Variants in LAMA5 observed in about 807,000 individuals in gnomAD.
The protein encoded by LAMA5 is laminin subunit alpha 5, also known as laminin subunit alpha-5.
Under a neutral mutation model 433.4 loss-of-function variants are expected in LAMA5, and 260 were observed. That is an observed-to-expected ratio of 0.60 (90% CI 0.54 to 0.66). LAMA5 has a LOEUF of 0.66. Ranked by LOEUF, LAMA5 falls within the 30% of genes least tolerant of loss-of-function variation. The probability of loss-of-function intolerance (pLI) is 0.00; values close to 1 mark genes in which losing one functional copy is unlikely to be tolerated. For missense variants in LAMA5, 5,378 were observed against 5,258.5 expected, an observed-to-expected ratio of 1.02 and a Z score of -0.70; for synonymous variants, 2,620 against 2,226.6, an observed-to-expected ratio of 1.18 and a Z score of -4.97.
rs1443274721 is a variant in LAMA5, at chr20:62,315,967, G to A, written c.7848C>T (p.Ala2616=). 6 of 1,604,520 alleles carry A rather than the reference G, an allele frequency of 3.7e-6. No individual in the cohort carries two copies. The African/African-American group carries it at 6.7e-5, about 18-fold the overall frequency. ...QLEAHIQAAQ[A]MLAMDTDETS... ...GCATACCTGTGTCCATGGCAAGCAT[G>A]GCCTGCGCCGCCTGGATGTGCGCCT... Residue 2616 remains alanine, a synonymous_variant, in exon 58 of 80, where the codon GCC becomes GCT. Coordinates refer to ENST00000252999, the MANE Select transcript of LAMA5 (RefSeq NM_005560.6).
rs1252190514 is a variant in LAMA5, at chr20:62,327,678, G to A, written c.4798-9C>T. The A allele has an allele frequency of 6.2e-7, 1 of 1,612,196 alleles. No homozygotes were observed. Among genetic ancestry groups the A allele is most frequent in the African/African-American group, 1.3e-5 (1 of 74,918 alleles). On this transcript the variant is annotated splice_polypyrimidine_tract_variant and intron_variant, in intron 36 of 79. Coordinates refer to ENST00000252999, the MANE Select transcript of LAMA5 (RefSeq NM_005560.6). ...GGGCCCTGCACGTTCTCCTAGGGAT[G>A]AGAGGACAGTGAGAGTGGTCGGCAG...
At chr20:62,357,591 C>T (rs1223931366) in intron 2 of LAMA5, among the ~76,000 whole-genome samples, 1 of 152,196 alleles carries the variant, frequency 6.6e-6, no homozygotes, top group Non-Finnish European at 1.5e-5. Flanking sequence ...CGGAAACGTG[C>T]CCCACACAGA....
In LAMA5 at chr20:62,334,197, C is replaced by T. The variant is rs767712282; in HGVS notation, c.2728G>A (p.Ala910Thr). The change falls in exon 22 of 80, where the codon GCA (alanine) becomes ACA (threonine). Residue 910 changes from alanine to threonine, a missense_variant. Coordinates refer to ENST00000252999, the MANE Select transcript of LAMA5 (RefSeq NM_005560.6). ...NFSWRGYAQMAPVQPRIVARL... is the reference protein window; with the variant it reads ...NFSWRGYAQMTPVQPRIVARL... ...AGCACAGCGCCCACCTGGACAGGTG[C>T]CATCTGCGCGTAGCCCCTCCAGCTG... 4 of 1,612,450 alleles carry T rather than the reference C, an allele frequency of 2.5e-6. No homozygotes were observed. Among genetic ancestry groups the T allele is most frequent in the South Asian group, 1.1e-5 (1 of 91,054 alleles).
At position 62,346,143 on chromosome 20, in the gene LAMA5, T is replaced by C. The variant is rs1201066129; in HGVS notation, c.1355A>G (p.Asn452Ser). ...CACGTCACACCGCTCCCCAGAGAAG[T>C]TGGGCCGGCAGTAGCATCGACCCGT... ...DLTGRCYCRP[N>S]FSGERCDVCA... is the part of the protein sequence containing the mutation. The change falls in exon 10 of 80, where the codon AAC (asparagine) becomes AGC (serine). Residue 452 changes from asparagine to serine, a missense_variant. Asn to Ser is a conservative substitution (Grantham distance 46). Coordinates refer to ENST00000252999, the MANE Select transcript of LAMA5 (RefSeq NM_005560.6). The C allele has an allele frequency of 1.9e-6, 3 of 1,613,054 alleles. No individual in the cohort carries two copies. Among genetic ancestry groups the C allele is most frequent in the South Asian group, 2.2e-5 (2 of 91,080 alleles).
In LAMA5 at chr20:62,312,822, C is replaced by T. The variant is rs371995678; in HGVS notation, c.9079-42G>A. 7.9e-5 allele frequency: 127 copies of T among 1,600,396 alleles called. No individual in the cohort carries two copies. In the African/African-American group the frequency reaches 1.2e-3, roughly 15 times the overall value. On this transcript the variant is annotated intron_variant, in intron 66 of 79. Coordinates refer to ENST00000252999, the MANE Select transcript of LAMA5 (RefSeq NM_005560.6). ...GGCTCCAGGGCCAGCTGTGTCCCTGCGGCCTGCCCCGCCCCCATCGTTCCA... is the reference window on the plus strand; with the variant it reads ...GGCTCCAGGGCCAGCTGTGTCCCTGTGGCCTGCCCCGCCCCCATCGTTCCA...
chr20:62,358,533 T>C (rs569560961), intron 2 of LAMA5, among the ~76,000 whole-genome samples: 27 of 152,274 alleles, frequency 1.8e-4, no homozygotes, highest in Non-Finnish European at 1.9e-4. Flanking sequence ...CCTGGACCAG[T>C]AGGCCTGCCC....
chr20:62,354,370 C>T (rs1984844891), intron 2 of LAMA5, among the ~76,000 whole-genome samples: 1 of 150,284 alleles, frequency 6.7e-6, no homozygotes, highest in Non-Finnish European at 1.5e-5. Flanking sequence ...CATCCCCTGA[C>T]ACCCTGCCCT....
At chr20:62,321,954 C>T in intron 48 of LAMA5, 65 bp downstream of exon 48, 1 of 1,506,046 alleles carries the variant, frequency 6.6e-7, no homozygotes. Flanking sequence ...CTGGGGTCAC[C>T]AGGCTGTGTG....
chr20:62,333,968 C>CCG lies in LAMA5; in HGVS notation c.2809_2810dup (p.Ala939GlyfsTer3). On this transcript the variant is annotated frameshift_variant, in exon 23 of 80. Transcript: ENST00000252999. LOFTEE classifies it high-confidence loss of function. ...CCCGCCCGCTCACACTCATGGCCCC[C>CCG]CGGTTGACGTATCGGAAGACGAGCC... 1 of 1,612,876 alleles carries CCG rather than the reference C, an allele frequency of 6.2e-7. No individual in the cohort carries two copies. The highest frequency in any genetic ancestry group is 8.5e-7 in the Non-Finnish European group (1 of 1,179,844).
rs1033493402 is a variant in LAMA5, at chr20:62,324,645, G to A, written c.5530-91C>T. 1.2e-6 allele frequency: 1 copy of A among 805,044 alleles called. No individual in the cohort carries two copies. The highest frequency in any genetic ancestry group is 1.7e-5 in the African/African-American group (1 of 59,158). The allele number at this position is 805,044 out of a possible 1,614,324, so 49.9% of individuals were successfully genotyped here. On this transcript the variant is annotated intron_variant, in intron 41 of 79. Coordinates refer to ENST00000252999, the MANE Select transcript of LAMA5 (RefSeq NM_005560.6). This position sits in a 1 kb window ranked among gnomAD's most constrained non-coding sequence, Gnocchi z 4.4. ...CACAAGTCAGACCCTCAGGGATCCT[G>A]CAGGCACGAGGCACTGGGAACCCGT...
At chr20:62,309,503 G>C in intron 79 of LAMA5, 28 bp from the exon 80 acceptor site, 2 of 1,546,094 alleles carry the variant, frequency 1.3e-6, no homozygotes, top group Non-Finnish European at 1.7e-6. Flanking sequence ...ATGGAAGAAG[G>C]CTGGTTGGTG....
chr20:62,332,857 T>A, intron 26 of LAMA5, 140 bp from the exon 27 acceptor site: 2 of 1,108,644 alleles, frequency 1.8e-6, no homozygotes, highest in Non-Finnish European at 2.5e-6. Flanking sequence ...TCCAGGCAAG[T>A]GGTGGGGGCT....
chr20:62,332,303 CT>C, intron 28 of LAMA5, 68 bp downstream of exon 28: 1 of 1,144,488 alleles, frequency 8.7e-7, no homozygotes, highest in East Asian at 2.4e-5. Context: ...GTCCTCTCCC[CT>C]CTCATGCATG....
At position 62,322,696 on chromosome 20, in the gene LAMA5, T is replaced by G; in HGVS notation, c.6127A>C (p.Lys2043Gln). Reference protein sequence around the residue: ...CDPHSGHCLCKAGVTGRRCDR... With the variant: ...CDPHSGHCLCQAGVTGRRCDR... ...CAGCGCCGCCCAGTCACGCCCGCCTTGCACAGGCAGTGCCCGCTGTGGGGG... is the reference window on the plus strand; with the variant it reads ...CAGCGCCGCCCAGTCACGCCCGCCTGGCACAGGCAGTGCCCGCTGTGGGGG... Residue 2043 changes from lysine (K) to glutamine (Q), a missense_variant, in exon 46 of 80, where the codon AAG becomes CAG. Coordinates refer to ENST00000252999, the MANE Select transcript of LAMA5 (RefSeq NM_005560.6). 1.3e-6 allele frequency: 2 copies of G among 1,548,600 alleles called. No homozygotes were observed. Among genetic ancestry groups the G allele is most frequent in the Non-Finnish European group, 1.7e-6 (2 of 1,148,796 alleles).
Position 62,312,328 on chromosome 20 carries a change from C to A in LAMA5, c.9361-12G>T. ...ATGGCGCGCCCCACCTGCGGGGAGG[C>A]CATCCCTGAGTGCCCGCGGGTGCCC... On this transcript the variant is annotated splice_polypyrimidine_tract_variant and intron_variant, in intron 68 of 79. Coordinates refer to ENST00000252999, the MANE Select transcript of LAMA5 (RefSeq NM_005560.6). The A allele has an allele frequency of 3.1e-6, 5 of 1,607,164 alleles. No individual in the cohort carries two copies. Among genetic ancestry groups the A allele is most frequent in the Non-Finnish European group, 4.2e-6 (5 of 1,179,078 alleles).
rs754427395 is a variant in LAMA5, at chr20:62,312,725, C to T, written c.9134G>A (p.Arg3045Gln). 6.3e-6 allele frequency: 10 copies of T among 1,596,528 alleles called. No individual in the cohort carries two copies. Among genetic ancestry groups the T allele is most frequent in the East Asian group, 4.6e-5 (2 of 43,416 alleles). Residue 3045 changes from arginine to glutamine, a missense_variant, in exon 67 of 80, where the codon CGG becomes CAG. Coordinates refer to ENST00000252999, the MANE Select transcript of LAMA5 (RefSeq NM_005560.6). The stretch of plus-strand genomic sequence containing the variant: ...CTGCTCCACGCTGTACACCGTGGCC[C>T]GCTCCACACGCACCAGCACACGCTT... ...SRKRVLVRVE[R>Q]ATVYSVEQDN...
Position 62,333,712 on chromosome 20 carries a change from C to A in LAMA5, c.2879-6G>T. The A allele has an allele frequency of 6.3e-7, 1 of 1,578,792 alleles. No individual in the cohort carries two copies. The highest frequency in any genetic ancestry group is 8.6e-7 in the Non-Finnish European group (1 of 1,163,618). On this transcript the variant is annotated splice_region_variant and splice_polypyrimidine_tract_variant and intron_variant, in intron 23 of 79. Coordinates refer to ENST00000252999, the MANE Select transcript of LAMA5 (RefSeq NM_005560.6). ...GGGCTGACTCTGTGCTGTGCCTGGG[C>A]GGGGGCAGGGGTGAGACTCCTGAGC...
In LAMA5 at chr20:62,338,270, C is replaced by T. The variant is rs375273088; in HGVS notation, c.1718G>A (p.Arg573His). 2.2e-5 allele frequency: 35 copies of T among 1,600,592 alleles called. No homozygotes were observed. Among genetic ancestry groups the T allele is most frequent in the South Asian group, 3.3e-5 (3 of 89,682 alleles). Residue 573 changes from arginine (R) to histidine (H), a missense_variant, in exon 13 of 80, where the codon CGC becomes CAC. Physicochemically the swap from Arg to His is conservative, Grantham distance 29. Transcript: ENST00000252999. ...GAAGTGAAAGTAGCCGGGGGCACAG[C>T]GATCACATGTGGCCCCCTCGAAGCC... ...RVGFEGATCD[R>H]CAPGYFHFPL...
rs762553019 is a variant in LAMA5, at chr20:62,322,719, G to A, written c.6104C>T (p.Pro2035Leu). The A allele has an allele frequency of 1.3e-6, 2 of 1,538,650 alleles. No individual in the cohort carries two copies. The highest frequency in any genetic ancestry group is 1.7e-6 in the Non-Finnish European group (2 of 1,143,820). ...CTTGCACAGGCAGTGCCCGCTGTGG[G>A]GGTCGCAGGCCTCTGTCCCACATGG... Reference protein sequence around the residue: ...CTPCGTEACDPHSGHCLCKAG... With the variant: ...CTPCGTEACDLHSGHCLCKAG... Residue 2035 changes from proline to leucine, a missense_variant, in exon 46 of 80, where the codon CCC becomes CTC. Transcript: ENST00000252999.
Sources: allele counts gnomAD v4.1 joint callset (sites outside exome capture counted in the v4.1 genomes callset), GRCh38; gene constraint gnomAD v4.1.1; non-coding constraint Gnocchi (gnomAD v3.1); transcripts MANE v1.5; gene names NCBI Gene and HGNC (gene_info 2026-07-23, HGNC 2026-07-21).